MAP1B: variants seen among roughly 807,000 people sequenced by gnomAD.
The protein encoded by MAP1B is microtubule associated protein 1B, also known as microtubule-associated protein 1B.
In MAP1B, 12 loss-of-function variants were observed where a neutral mutation model predicts 176.1. That is an observed-to-expected ratio of 0.07 (90% CI 0.04 to 0.11). The LOEUF (loss-of-function observed/expected upper bound fraction) is 0.11, where lower values mean the gene tolerates loss of function less well. Ranked by LOEUF, MAP1B falls within the 10% of genes least tolerant of loss-of-function variation. The pLI is 1.00. For synonymous variants in MAP1B, 1,044 were observed against 1,135.0 expected, an observed-to-expected ratio of 0.92 and a Z score of 1.61; for missense variants, 2,523 against 2,990.5, an observed-to-expected ratio of 0.84 and a Z score of 3.65.
At chr5:72,178,063 C>A (rs1746687119) in intron 2 of MAP1B, among the ~76,000 whole-genome samples, 1 of 152,128 alleles carries the variant, frequency 6.6e-6, no homozygotes, top group African/African-American at 2.4e-5. Flanking sequence ...AGTGCAATGG[C>A]ATGATCTCAG....
At chr5:72,136,565 A>G (rs1248156246) in intron 2 of MAP1B, among the ~76,000 whole-genome samples, 1 of 152,130 alleles carries the variant, frequency 6.6e-6, no homozygotes, top group Non-Finnish European at 1.5e-5. Context: ...CTCATAATCT[A>G]GATGGAAGGA....
Position 72,198,596 on chromosome 5 carries a change from A to G in MAP1B, c.5241A>G (p.Glu1747=), listed in dbSNP as rs889888088. 6 of 1,613,998 alleles carry G rather than the reference A, an allele frequency of 3.7e-6. No individual in the cohort carries two copies. In the African/African-American group the frequency reaches 8.0e-5, roughly 22 times the overall value. Residue 1747 remains glutamate (E), a synonymous_variant, in exon 5 of 7, where the codon GAA becomes GAG. Transcript: ENST00000296755. The part of the protein sequence containing the change: ...TPSQIASPLQ[E]DTLSDVAPPR... ...CTCAGATCGCTTCTCCTCTCCAAGA[A>G]GATACTCTATCCGATGTTGCTCCTC... is the stretch of plus-strand genomic sequence containing the variant.
At chr5:72,118,454 G>A (rs921461736) in intron 2 of MAP1B, among the ~76,000 whole-genome samples, 2 of 152,192 alleles carry the variant, frequency 1.3e-5, no homozygotes, top group African/African-American at 4.8e-5. Context: ...AGGGTGCTTG[G>A]TGAGTGAGGA....
rs770032242 is a variant in MAP1B at position 72,196,383 on chromosome 5, A to G, written c.3028A>G (p.Lys1010Glu). 1.2e-6 allele frequency: 2 copies of G among 1,613,908 alleles called. No individual in the cohort carries two copies. Among genetic ancestry groups the G allele is most frequent in the Non-Finnish European group, 1.7e-6 (2 of 1,180,032 alleles). ...AGAAGACATGGATGAGGCCATTGAG[A>G]AAGGAGAGGCTGAACAATCTGAAGA... ...AEEDMDEAIE[K>E]GEAEQSEEEA... The change falls in exon 5 of 7, where the codon AAA (lysine) becomes GAA (glutamate). Residue 1010 changes from lysine to glutamate, a missense_variant. By Grantham distance (56) the Lys-to-Glu change is moderately conservative. Coordinates refer to ENST00000296755, the MANE Select transcript of MAP1B (RefSeq NM_005909.5). The surrounding 1 kb of genome is among the most constrained non-coding windows in gnomAD (Gnocchi z 5.3).
chr5:72,196,059 G>C lies in MAP1B; in HGVS notation c.2704G>C (p.Glu902Gln). Reference sequence around the variant, plus strand: ...TGAGGGAATCACTACCACTGAAGGGGAGGGCGAATGTGAACAGACACCTGA... The same window carrying C: ...TGAGGGAATCACTACCACTGAAGGGCAGGGCGAATGTGAACAGACACCTGA... The part of the protein sequence containing the change: ...PDEGITTTEG[E>Q]GECEQTPEEL... Residue 902 changes from glutamate to glutamine, a missense_variant, in exon 5 of 7, where the codon GAG becomes CAG. This residue lies in a region of MAP1B where 1,925 missense variants were observed against 2,126.0 expected (regional missense o/e 0.91). Coordinates refer to ENST00000296755, the MANE Select transcript of MAP1B (RefSeq NM_005909.5). This position sits in a 1 kb window ranked among gnomAD's most constrained non-coding sequence, Gnocchi z 5.3. 1.2e-6 allele frequency: 2 copies of C among 1,614,202 alleles called. No homozygotes were observed. The highest frequency in any genetic ancestry group is 1.1e-5 in the South Asian group (1 of 91,078).
intron 2 of MAP1B, among the ~76,000 whole-genome samples, chr5:72,176,222 C>A (rs1746652896): frequency 6.6e-6 from 1 of 152,232 alleles, no homozygotes; most frequent in Non-Finnish European, 1.5e-5. Context: ...CACACACTCA[C>A]ACACACTTAG....
In MAP1B at chr5:72,107,786, G is replaced by A. The variant is rs901553968; in HGVS notation, c.184+71G>A. ...AACACGACCCCACCCAGGGCGCGACGGTCACTGCGCTCCTCCCGCGCGCCC... is the reference window on the plus strand; with the variant it reads ...AACACGACCCCACCCAGGGCGCGACAGTCACTGCGCTCCTCCCGCGCGCCC... On this transcript the variant is annotated intron_variant, in intron 1 of 6. Coordinates refer to ENST00000296755, the MANE Select transcript of MAP1B (RefSeq NM_005909.5). 8 of 1,520,656 alleles carry A rather than the reference G, an allele frequency of 5.3e-6. No homozygotes were observed. The East Asian group carries it at 9.4e-5, about 18-fold the overall frequency. 94.2% of individuals were successfully genotyped at this position (1,520,656 alleles called of 1,614,324 possible). A position where few individuals can be genotyped will look rare whatever the true frequency, so the allele number is the denominator to read the frequency against.
At chr5:72,109,053 C>G (rs576432266) in intron 1 of MAP1B, among the ~76,000 whole-genome samples, 1 of 152,162 alleles carries the variant, frequency 6.6e-6, no homozygotes. Context: ...TCCCCACTCC[C>G]CCTCCCCAAT....
At chr5:72,164,790 T>G (rs1746394325) in intron 2 of MAP1B, among the ~76,000 whole-genome samples, 1 of 152,234 alleles carries the variant, frequency 6.6e-6, no homozygotes, top group South Asian at 2.1e-4. Context: ...GTCCGCTGGG[T>G]GAACATTGCT....
chr5:72,111,405 A>G (rs1357590588), intron 1 of MAP1B, among the ~76,000 whole-genome samples: 2 of 152,262 alleles, frequency 1.3e-5, no homozygotes. Flanking sequence ...TGTAACATCT[A>G]CTGCTCTGCA....
At position 72,200,108 on chromosome 5, in the gene MAP1B, G is replaced by A; in HGVS notation, c.6753G>A (p.Lys2251=). 1 of 1,614,226 alleles carries A rather than the reference G, an allele frequency of 6.2e-7. No homozygotes were observed. The highest frequency in any genetic ancestry group is 1.1e-5 in the South Asian group (1 of 91,092). ...CCAAAACCAAAAAGCCAGGTACAAA[G>A]ACCAAGTCATCTTCACCTGTCAAAA... is the stretch of plus-strand genomic sequence containing the variant. ...EKTKTKKPGT[K]TKSSSPVKKS... The change falls in exon 5 of 7, where the codon AAG becomes AAA. Residue 2251 remains lysine, a synonymous_variant. Coordinates refer to ENST00000296755, the MANE Select transcript of MAP1B (RefSeq NM_005909.5).
In MAP1B at chr5:72,140,066, A is replaced by T. The variant is rs144976498; in HGVS notation, c.286+24267A>T. Among the ~76,000 whole-genome samples the T allele has an allele frequency of 9.1e-4, 139 of 152,160 alleles. 1 individual carries two copies. In the South Asian group the frequency reaches 0.014, roughly 15 times the overall value. ...AACCTCCGCCTCCAGAGGCTCAAAC[A>T]GTCCTCCTGCCTCAGCCTCCCAAGT... On this transcript the variant is annotated intron_variant, in intron 2 of 6. Coordinates refer to ENST00000296755, the MANE Select transcript of MAP1B (RefSeq NM_005909.5).
At chr5:72,185,418 A>G (rs1277508711) in intron 3 of MAP1B, among the ~76,000 whole-genome samples, 2 of 152,072 alleles carry the variant, frequency 1.3e-5, no homozygotes, top group East Asian at 3.9e-4. Context: ...ACATGGTAAA[A>G]CCCTGTCTCT....
At chr5:72,128,331 G>A (rs1244450770) in intron 2 of MAP1B, among the ~76,000 whole-genome samples, 1 of 151,440 alleles carries the variant, frequency 6.6e-6, no homozygotes, top group Non-Finnish European at 1.5e-5. Flanking sequence ...ATATGATTGT[G>A]CTTCAATATA....
At chr5:72,138,488 G>A (rs561785603) in intron 2 of MAP1B, among the ~76,000 whole-genome samples, 105 of 152,164 alleles carry the variant, frequency 6.9e-4, no homozygotes, top group African/African-American at 2.5e-3. Flanking sequence ...AAATGCTCAC[G>A]TACTTCACCC....
rs370346422 is a variant in MAP1B, at chr5:72,199,844, C to T, written c.6489C>T (p.Pro2163=). 1.2e-6 allele frequency: 2 copies of T among 1,614,202 alleles called. No individual in the cohort carries two copies. Among genetic ancestry groups the T allele is most frequent in the African/African-American group, 1.3e-5 (1 of 75,058 alleles). Residue 2163 remains proline (P), a synonymous_variant, in exon 5 of 7, where the codon CCC becomes CCT. Transcript: ENST00000296755. The surrounding 1 kb of genome is among the most constrained non-coding windows in gnomAD (Gnocchi z 4.2). ...SAPSQTDSDV[P]PETEECPSIT... ...CATCCCAGACCGACTCTGATGTTCCCCCGGAGACTGAAGAGTGCCCCTCCA... is the reference window on the plus strand; with the variant it reads ...CATCCCAGACCGACTCTGATGTTCCTCCGGAGACTGAAGAGTGCCCCTCCA...
At chr5:72,128,859 C>T (rs1184489651) in intron 2 of MAP1B, among the ~76,000 whole-genome samples, 2 of 152,146 alleles carry the variant, frequency 1.3e-5, no homozygotes, top group African/African-American at 4.8e-5. Flanking sequence ...TGCTAAGTTG[C>T]CCAGGCTGGT....
At chr5:72,140,491 GT>G (rs1745927243) in intron 2 of MAP1B, among the ~76,000 whole-genome samples, 1 of 152,162 alleles carries the variant, frequency 6.6e-6, no homozygotes, top group African/African-American at 2.4e-5. Context: ...TGGTATAGAG[GT>G]TTTTGAAGAG....
At chr5:72,185,898 C>T (rs1402433598) in intron 3 of MAP1B, among the ~76,000 whole-genome samples, 2 of 152,190 alleles carry the variant, frequency 1.3e-5, no homozygotes, top group African/African-American at 4.8e-5. Flanking sequence ...AGAATGGATA[C>T]CTTGGTGCTT....
Sources: allele counts gnomAD v4.1 joint callset (sites outside exome capture counted in the v4.1 genomes callset), GRCh38; gene constraint gnomAD v4.1.1; regional missense constraint gnomAD v4.1.1; non-coding constraint Gnocchi (gnomAD v3.1); transcripts MANE v1.5; gene names NCBI Gene and HGNC (gene_info 2026-07-23, HGNC 2026-07-21).